ZNF384: variants seen among roughly 807,000 people sequenced by gnomAD.
The protein encoded by ZNF384 is zinc finger protein 384.
In ZNF384, 20 loss-of-function variants were observed where a neutral mutation model predicts 65.0. The observed-to-expected ratio is 0.31, with a 90% CI of 0.22 to 0.45. The LOEUF (loss-of-function observed/expected upper bound fraction) is 0.45. Among genes scored for constraint, ZNF384 ranks in the 20% least tolerant of loss-of-function variants. ZNF384 has a pLI of 1.00. For synonymous variants in ZNF384, 310 were observed against 303.9 expected (o/e 1.02, Z -0.21); for missense variants, 549 against 769.4 (o/e 0.71, Z 3.39).
rs1592346928 is a variant in ZNF384, at chr12:6,666,591, G to A, written c.*1123C>T. 1 of 136,090 alleles carries A rather than the reference G, an allele frequency of 7.3e-6. No homozygotes were observed. The highest frequency in any genetic ancestry group is 1.5e-5 in the Non-Finnish European group (1 of 66,974). The allele number at this position is 136,090 out of a possible 1,614,324, so 8.4% of individuals were successfully genotyped here. On this transcript the variant is annotated 3_prime_UTR_variant, in exon 12 of 12. Coordinates refer to ENST00000683879, the MANE Select transcript of ZNF384 (RefSeq NM_001385745.1). ...ATTACTTTATAACAACTGGTTTCCT[G>A]ATTTTTTTTTTAATTTCCTTTCCTC...
chr12:6,679,672 C>T, intron 2 of ZNF384, 147 bp from the exon 3 acceptor site: 1 of 629,952 alleles, frequency 1.6e-6, no homozygotes. Context: ...GTGTCTAGCA[C>T]ATTAGTCCCT....
intron 10 of ZNF384, among the ~76,000 whole-genome samples, chr12:6,669,927 C>T (rs887379728): frequency 4.0e-5 from 6 of 150,560 alleles, no homozygotes; most frequent in Non-Finnish European, 8.9e-5. Context: ...GTCTCAAACA[C>T]GCACACGCGC....
Position 6,683,661 on chromosome 12 carries a change from C to CAA in ZNF384, c.-5-4138_-5-4137dup, listed in dbSNP as rs550687196. ...TGGGTGACAGAGCAAGACCCTGTCT[C>CAA]AAAAAAAAAAAAAAAAAAAAAGAAT... On this transcript the variant is annotated intron_variant, in intron 2 of 11. Transcript: ENST00000683879. Among the ~76,000 whole-genome samples, 266 of 66,416 alleles carry CAA rather than the reference C, an allele frequency of 4.0e-3. 5 individuals are homozygous for CAA. The East Asian group carries it at 0.085, about 21-fold the overall frequency. 43.6% of individuals were successfully genotyped at this position (66,416 alleles called of 152,430 possible). A position where few individuals can be genotyped will look rare whatever the true frequency, so the allele number is the denominator to read the frequency against.
chr12:6,667,959 A>C lies in ZNF384; in HGVS notation c.1582T>G (p.Ser528Ala). The C allele has an allele frequency of 6.2e-7, 1 of 1,612,110 alleles. No homozygotes were observed. Among genetic ancestry groups the C allele is most frequent in the Non-Finnish European group, 8.5e-7 (1 of 1,179,140 alleles). ...TGCTGCTGCTGCTGTGATGCCTGGG[A>C]GGCCTGGGCCTGGGCCTGGGCTTGA... The part of the protein sequence containing the change: ...QAQAQAQAQA[S>A]QASQQQQQQQ... The change falls in exon 12 of 12, where the codon TCC (serine) becomes GCC (alanine). Residue 528 changes from serine (S) to alanine (A), a missense_variant. Physicochemically the swap from Ser to Ala is moderately conservative, Grantham distance 99. This residue lies in a region of ZNF384 where 136 missense variants were observed against 183.0 expected (regional missense o/e 0.74). Coordinates refer to ENST00000683879, the MANE Select transcript of ZNF384 (RefSeq NM_001385745.1).
chr12:6,668,355 T>C (rs911747804), intron 11 of ZNF384, among the ~76,000 whole-genome samples: 1 of 152,164 alleles, frequency 6.6e-6, no homozygotes, highest in Non-Finnish European at 1.5e-5. Flanking sequence ...TGCTATTTTT[T>C]TCAAAGACCC....
At chr12:6,671,530 G>GGTATAAAA (rs1264884323) in intron 9 of ZNF384, 1 of 152,226 alleles carries the variant, frequency 6.6e-6, no homozygotes, top group Non-Finnish European at 1.5e-5. Context: ...CGGGACCTCT[G>GGTATAAAA]GTATAAAATC....
chr12:6,675,445 A>T (rs1953125380), intron 7 of ZNF384, among the ~76,000 whole-genome samples: 1 of 152,264 alleles, frequency 6.6e-6, no homozygotes, highest in African/African-American at 2.4e-5. Flanking sequence ...CACCAGAGGT[A>T]TTCAAGCAGA....
chr12:6,685,988 A>G (rs558591625), intron 2 of ZNF384, among the ~76,000 whole-genome samples: 2 of 152,180 alleles, frequency 1.3e-5, no homozygotes, highest in Non-Finnish European at 2.9e-5. Context: ...AGCTTTGTCT[A>G]TCTGACCACA....
chr12:6,680,345 A>G (rs796773567), intron 2 of ZNF384, among the ~76,000 whole-genome samples: 2 of 152,286 alleles, frequency 1.3e-5, no homozygotes, highest in African/African-American at 4.8e-5. Flanking sequence ...ACACAATACG[A>G]CTAAGAAAAT....
intron 7 of ZNF384, among the ~76,000 whole-genome samples, chr12:6,676,638 G>A (rs965610929): frequency 6.6e-6 from 1 of 152,164 alleles, no homozygotes; most frequent in African/African-American, 2.4e-5. Context: ...TCCACAAATT[G>A]TATATAGATG....
Position 6,678,047 on chromosome 12 carries a change from G to A in ZNF384, c.686+80C>T. 1 of 1,361,390 alleles carries A rather than the reference G, an allele frequency of 7.3e-7. No homozygotes were observed. Among genetic ancestry groups the A allele is most frequent in the Non-Finnish European group, 1.0e-6 (1 of 979,348 alleles). 84.3% of individuals were successfully genotyped at this position (1,361,390 alleles called of 1,614,324 possible). ...CTGTCAGAGTGTAGCGCCTGACCGGGGCAGAACACAATGAGGGTACAGGGA... is the reference window on the plus strand; with the variant it reads ...CTGTCAGAGTGTAGCGCCTGACCGGAGCAGAACACAATGAGGGTACAGGGA... On this transcript the variant is annotated intron_variant, in intron 6 of 11. Coordinates refer to ENST00000683879, the MANE Select transcript of ZNF384 (RefSeq NM_001385745.1). This position sits in a 1 kb window ranked among gnomAD's most constrained non-coding sequence, Gnocchi z 4.9.
At chr12:6,685,902 G>A (rs1957752623) in intron 2 of ZNF384, among the ~76,000 whole-genome samples, 1 of 151,916 alleles carries the variant, frequency 6.6e-6, no homozygotes, top group Non-Finnish European at 1.5e-5. Flanking sequence ...GAAGCCCTCA[G>A]GAGATAAAGA....
intron 2 of ZNF384, among the ~76,000 whole-genome samples, chr12:6,682,914 T>C (rs1393078286): frequency 1.3e-5 from 2 of 152,234 alleles, no homozygotes; most frequent in African/African-American, 2.4e-5. Context: ...TCTCAATGCA[T>C]AATCCCTGTC....
Position 6,667,662 on chromosome 12 carries a change from G to A in ZNF384, c.*52C>T, listed in dbSNP as rs768439179. ...CTTTTCCCACCAAGAGTTGGAGAAA[G>A]AAGACACCAGGACTACTTCTTCCTC... On this transcript the variant is annotated 3_prime_UTR_variant, in exon 12 of 12. Transcript: ENST00000683879. The A allele has an allele frequency of 6.2e-7, 1 of 1,612,248 alleles. No individual in the cohort carries two copies. Among genetic ancestry groups the A allele is most frequent in the Non-Finnish European group, 8.5e-7 (1 of 1,179,020 alleles).
At chr12:6,681,127 G>C (rs1955762754) in intron 2 of ZNF384, among the ~76,000 whole-genome samples, 1 of 151,172 alleles carries the variant, frequency 6.6e-6, no homozygotes, top group South Asian at 2.1e-4. Flanking sequence ...GCTGAGGCAA[G>C]AGAATTGCTT....
Position 6,672,256 on chromosome 12 carries a change from C to T in ZNF384, c.1187+94G>A, listed in dbSNP as rs561193216. ...CTCTCCTCCAGCCAGGTCTCTCCCC[C>T]GCCCCCCGCATGCGGGTTGTTGTGT... On this transcript the variant is annotated intron_variant, in intron 9 of 11. Transcript: ENST00000683879. This position sits in a 1 kb window ranked among gnomAD's most constrained non-coding sequence, Gnocchi z 4.4. 92 of 1,389,618 alleles carry T rather than the reference C, an allele frequency of 6.6e-5. No individual in the cohort carries two copies. In the African/African-American group the frequency reaches 7.9e-4, roughly 12 times the overall value. The allele number at this position is 1,389,618 out of a possible 1,614,324, so 86.1% of individuals were successfully genotyped here.
chr12:6,667,534 T>C lies in ZNF384; in HGVS notation c.*180A>G. The C allele has an allele frequency of 4.8e-6, 4 of 835,902 alleles. No individual in the cohort carries two copies. The highest frequency in any genetic ancestry group is 4.4e-4 in the Middle Eastern group (2 of 4,498). 51.8% of individuals were successfully genotyped at this position (835,902 alleles called of 1,614,324 possible). On this transcript the variant is annotated 3_prime_UTR_variant, in exon 12 of 12. Coordinates refer to ENST00000683879, the MANE Select transcript of ZNF384 (RefSeq NM_001385745.1). ...TCCTTTGCAATCAGGAGGGCTGATG[T>C]TCCTTTTGAAGAAGAGTTCAGAAAA...
At position 6,678,896 on chromosome 12, in the gene ZNF384, T is replaced by G. The variant is rs1345641284; in HGVS notation, c.304+50A>C. ...CTTGGAGCCCTCCAGCCTGGGGTAC[T>G]GATCATGGAAGATCAACACCTCAGA... On this transcript the variant is annotated intron_variant, in intron 4 of 11. Transcript: ENST00000683879. The surrounding 1 kb of genome is among the most constrained non-coding windows in gnomAD (Gnocchi z 4.9). The G allele has an allele frequency of 6.3e-7, 1 of 1,585,990 alleles. No individual in the cohort carries two copies. The highest frequency in any genetic ancestry group is 1.1e-5 in the South Asian group (1 of 89,772).
chr12:6,684,114 C>T (rs1957087931), intron 2 of ZNF384, among the ~76,000 whole-genome samples: 2 of 152,174 alleles, frequency 1.3e-5, no homozygotes, highest in South Asian at 4.1e-4. Context: ...CACTTTACAA[C>T]TACTACATCA....
Sources: gnomAD v4.1 joint callset for allele counts (sites outside exome capture counted in the v4.1 genomes callset) on GRCh38, gnomAD v4.1.1 for gene constraint, gnomAD v4.1.1 regional missense constraint, Gnocchi (gnomAD v3.1) non-coding constraint, MANE v1.5 for transcripts, NCBI Gene and HGNC (gene_info 2026-07-23, HGNC 2026-07-21) for gene names.